Variants in ZFHX3 observed in about 807,000 individuals in gnomAD.
The protein encoded by ZFHX3 is zinc finger homeobox 3.
In ZFHX3, 42 loss-of-function variants were observed where a neutral mutation model predicts 279.1. That is an observed-to-expected ratio of 0.15 (90% confidence interval 0.12 to 0.19). The LOEUF is 0.19. ZFHX3 is among the 10% of genes least tolerant of loss of function. ZFHX3 has a pLI of 1.00. For synonymous variants in ZFHX3, 2,293 were observed against 1,957.8 expected, an observed-to-expected ratio of 1.17 and a Z score of -4.52; for missense variants, 4,981 against 4,754.0, an observed-to-expected ratio of 1.05 and a Z score of -1.40.
chr16:73,302,940 A>T (rs565591792), intron 4 of ZFHX3, among the ~76,000 whole-genome samples: 44 of 152,332 alleles, frequency 2.9e-4, no homozygotes, highest in Non-Finnish European at 5.3e-4. Flanking sequence ...TTACATTTTT[A>T]AAATCATGGA....
At chr16:73,859,517 T>C (rs1285872053) in intron 1 of ZFHX3, among the ~76,000 whole-genome samples, 7 of 152,198 alleles carry the variant, frequency 4.6e-5, no homozygotes, top group Admixed American at 4.6e-4. Flanking sequence ...CATTTCTCCA[T>C]CATCCAGTTT....
Position 72,787,806 on chromosome 16 carries a change from G to C in ZFHX3, c.10470C>G (p.Phe3490Leu), listed in dbSNP as rs760606893. Residue 3490 changes from phenylalanine to leucine, a missense_variant, in exon 10 of 10, where the codon TTC (phenylalanine) becomes TTG (leucine). Transcript: ENST00000268489. ...CTTGCAGGTTCACCACAGACTGGCC[G>C]AAGAAGCAGAGGGACTTCAGGTGGC... Reference protein sequence around the residue: ...ARSHLKSLCFFGQSVVNLQEM... With the variant: ...ARSHLKSLCFLGQSVVNLQEM... 5 of 1,613,370 alleles carry C rather than the reference G, an allele frequency of 3.1e-6. No homozygotes were observed. The highest frequency in any genetic ancestry group is 1.7e-5 in the Admixed American group (1 of 59,950).
chr16:73,127,314 C>T, intron 7 of ZFHX3: 1 of 1,289,192 alleles, frequency 7.8e-7, no homozygotes, highest in Non-Finnish European at 1.0e-6. Flanking sequence ...AGGAAACAGC[C>T]TTCGCTGGTG....
intron 5 of ZFHX3, among the ~76,000 whole-genome samples, chr16:73,212,310 C>G (rs766047809): frequency 6.6e-6 from 1 of 152,136 alleles, no homozygotes; most frequent in Non-Finnish European, 1.5e-5. Context: ...ACTCTACATA[C>G]TCTAGCACAC....
chr16:73,105,440 C>CATATCTATATATAT, intron 7 of ZFHX3, among the ~76,000 whole-genome samples: 1 of 109,598 alleles, frequency 9.1e-6, no homozygotes, highest in Non-Finnish European at 1.8e-5. Flanking sequence ...TATACACACA[C>CATATCTATATATAT]ACACATATAT....
At chr16:72,882,975 GGGGTGTGTGTGTGTGTGTGT>G (rs2038521825) in intron 4 of ZFHX3, among the ~76,000 whole-genome samples, 1 of 113,386 alleles carries the variant, frequency 8.8e-6, no homozygotes, top group African/African-American at 3.7e-5. Context: ...ACACCACTCT[GGGGTGTGTGTGTGTGTGTGT>G]GTGTGTGTGT....
At chr16:73,221,642 T>C (rs536407574) in intron 5 of ZFHX3, among the ~76,000 whole-genome samples, 3 of 152,308 alleles carry the variant, frequency 2.0e-5, no homozygotes, top group African/African-American at 7.2e-5. Context: ...CTTCTCTGAA[T>C]TGTATGTAAA....
intron 3 of ZFHX3, among the ~76,000 whole-genome samples, chr16:73,426,224 C>T (rs1421206931): frequency 6.6e-6 from 1 of 152,178 alleles, no homozygotes; most frequent in African/African-American, 2.4e-5. Flanking sequence ...CTGGGAGGTG[C>T]TCTTTCTGCA....
chr16:73,156,520 C>T (rs541092465), intron 5 of ZFHX3, among the ~76,000 whole-genome samples: 335 of 152,266 alleles, frequency 2.2e-3, no homozygotes, highest in Non-Finnish European at 4.1e-3. Flanking sequence ...ACTAAGCCTT[C>T]GCTCCTGGTC....
chr16:73,741,605 A>T (rs2053658355), intron 1 of ZFHX3, among the ~76,000 whole-genome samples: 1 of 152,004 alleles, frequency 6.6e-6, no homozygotes, highest in South Asian at 2.1e-4. Flanking sequence ...ACAGCCTTGG[A>T]CTCTCCAGTT....
chr16:73,599,410 C>T (rs1271039952), intron 2 of ZFHX3, among the ~76,000 whole-genome samples: 4 of 152,222 alleles, frequency 2.6e-5, no homozygotes, highest in Admixed American at 6.5e-5. Flanking sequence ...AAAATGAAAA[C>T]GTGGAGCCCC....
At position 72,785,271 on chromosome 16, in the gene ZFHX3, A is replaced by G. The variant is rs2143229413; in HGVS notation, c.*1893T>C. On this transcript the variant is annotated 3_prime_UTR_variant, in exon 10 of 10. Coordinates refer to ENST00000268489, the MANE Select transcript of ZFHX3 (RefSeq NM_006885.4). ...TGAGAAAGGGTGTGTGTTAACAGGAATATGGATATTAACAGAAACAAGTGC... is the reference window on the plus strand; with the variant it reads ...TGAGAAAGGGTGTGTGTTAACAGGAGTATGGATATTAACAGAAACAAGTGC... 1 of 152,744 alleles carries G rather than the reference A, an allele frequency of 6.5e-6. No homozygotes were observed. The highest frequency in any genetic ancestry group is 1.9e-4 in the East Asian group (1 of 5,182). 9.5% of individuals were successfully genotyped at this position (152,744 alleles called of 1,614,324 possible).
intron 6 of ZFHX3, among the ~76,000 whole-genome samples, chr16:73,142,025 G>T (rs1270434370): frequency 6.6e-6 from 1 of 152,188 alleles, no homozygotes; most frequent in Non-Finnish European, 1.5e-5. Flanking sequence ...CTGCGATGAA[G>T]GCTCTGATGG....
intron 2 of ZFHX3, among the ~76,000 whole-genome samples, chr16:73,668,672 C>A (rs894309076): frequency 8.1e-5 from 12 of 148,434 alleles, no homozygotes; most frequent in African/African-American, 3.0e-4. Context: ...ATCCATCTGA[C>A]AAAGGGCTAA....
intron 7 of ZFHX3, among the ~76,000 whole-genome samples, chr16:73,114,612 G>T (rs1413846485): frequency 1.3e-5 from 2 of 152,174 alleles, no homozygotes; most frequent in South Asian, 4.2e-4. Flanking sequence ...CCAGGAGGTC[G>T]AGGCTGTAGT....
chr16:73,162,671 C>T (rs1967266727), intron 5 of ZFHX3, among the ~76,000 whole-genome samples: 3 of 152,108 alleles, frequency 2.0e-5, no homozygotes, highest in Non-Finnish European at 4.4e-5. Context: ...CCATGTTGCC[C>T]AGGCTGGTCT....
At chr16:73,863,634 A>C (rs948213193) in intron 1 of ZFHX3, among the ~76,000 whole-genome samples, 1 of 152,218 alleles carries the variant, frequency 6.6e-6, no homozygotes, top group African/African-American at 2.4e-5. Context: ...CATGGCCTTC[A>C]TTCCAACATA....
intron 2 of ZFHX3, among the ~76,000 whole-genome samples, chr16:73,523,246 G>C (rs1420495213): frequency 6.6e-6 from 1 of 152,194 alleles, no homozygotes; most frequent in Non-Finnish European, 1.5e-5. Context: ...ACACACGAAA[G>C]CTCTTTAGCA....
intron 3 of ZFHX3, among the ~76,000 whole-genome samples, chr16:73,352,456 TTC>T (rs561312963): frequency 2.8e-4 from 38 of 134,354 alleles, no homozygotes; most frequent in Admixed American, 6.7e-4. Context: ...AGCCTTTGGT[TTC>T]TCTCTCTCTC....
Sources: allele counts gnomAD v4.1 joint callset (sites outside exome capture counted in the v4.1 genomes callset), GRCh38; gene constraint gnomAD v4.1.1; transcripts MANE v1.5; gene names NCBI Gene and HGNC (gene_info 2026-07-23, HGNC 2026-07-21).